CLMN: variants seen among roughly 807,000 people sequenced by gnomAD.
The protein encoded by CLMN is calmin, also known as calmin (calponin-like, transmembrane).
In CLMN, 57 loss-of-function variants were observed where a neutral mutation model predicts 92.7. The ratio of observed to expected loss-of-function variants is 0.61; its 90% CI spans 0.50 to 0.77. CLMN has a LOEUF of 0.77. Ranked by LOEUF, CLMN falls within the 30% of genes least tolerant of loss-of-function variation. The pLI is 0.00. For synonymous variants in CLMN, 466 were observed against 470.6 expected (o/e 0.99, Z 0.13); for missense variants, 1,158 against 1,237.5 (o/e 0.94, Z 0.96).
In CLMN at chr14:95,206,514, A is replaced by G. The variant is rs118035474; in HGVS notation, c.886-2051T>C. On this transcript the variant is annotated intron_variant, in intron 8 of 12. Coordinates refer to ENST00000298912, the MANE Select transcript of CLMN (RefSeq NM_024734.4). ...ACCAAAAGAAACCATGTGCTGGGCC[A>G]CAAAGCTAGCAACAATGTGTGGTAC... is the stretch of plus-strand genomic sequence containing the variant. Among the ~76,000 whole-genome samples, 986 of 152,380 alleles carry G rather than the reference A, an allele frequency of 6.5e-3. 12 individuals carry two copies. The highest frequency in any genetic ancestry group is 0.029 in the East Asian group (149 of 5,188).
chr14:95,235,017 G>C (rs1460757478), intron 1 of CLMN, among the ~76,000 whole-genome samples: 1 of 152,060 alleles, frequency 6.6e-6, no homozygotes, highest in African/African-American at 2.4e-5. Context: ...AAAATTATAA[G>C]CTCATTGTAA....
chr14:95,318,964 G>A (rs1423658398), intron 1 of CLMN, among the ~76,000 whole-genome samples: 2 of 152,090 alleles, frequency 1.3e-5, no homozygotes, highest in Non-Finnish European at 2.9e-5. Context: ...GTGTGGCACC[G>A]CCATACCCAG....
chr14:95,315,776 C>T (rs183099344), intron 1 of CLMN, among the ~76,000 whole-genome samples: 12 of 152,304 alleles, frequency 7.9e-5, no homozygotes, highest in African/African-American at 2.9e-4. Flanking sequence ...ACCTCTGCAC[C>T]GCTAGAATCA....
chr14:95,237,019 C>T (rs76621535), intron 1 of CLMN, among the ~76,000 whole-genome samples: 9,992 of 152,264 alleles, frequency 0.066, 406 homozygotes, highest in South Asian at 0.14. Flanking sequence ...CACCTTGGCA[C>T]GGGCCAAAGA....
At chr14:95,241,746 A>T (rs1485385506) in intron 1 of CLMN, among the ~76,000 whole-genome samples, 2 of 152,306 alleles carry the variant, frequency 1.3e-5, no homozygotes, top group East Asian at 3.9e-4. Flanking sequence ...ACACCAACTG[A>T]TCCTTCTGAA....
At position 95,203,268 on chromosome 14, in the gene CLMN, C is replaced by G. The variant is rs781079851; in HGVS notation, c.2081G>C (p.Cys694Ser). ...EELSSSPPSS[C>S]VSLETLGSHS... ...ACTCCCAAGGGTCTCCAAGCTGACACAGCTGCTTGGGGGGCTGGAAGATAA... is the reference window on the plus strand; with the variant it reads ...ACTCCCAAGGGTCTCCAAGCTGACAGAGCTGCTTGGGGGGCTGGAAGATAA... Residue 694 changes from cysteine (C) to serine (S), a missense_variant, in exon 9 of 13, where the codon TGT becomes TCT. Physicochemically the swap from Cys to Ser is moderately radical, Grantham distance 112. Coordinates refer to ENST00000298912, the MANE Select transcript of CLMN (RefSeq NM_024734.4). 8.1e-6 allele frequency: 13 copies of G among 1,613,908 alleles called. No homozygotes were observed. The African/African-American group carries it at 1.7e-4, about 22-fold the overall frequency.
intron 1 of CLMN, among the ~76,000 whole-genome samples, chr14:95,244,317 C>A (rs1439884230): frequency 6.6e-6 from 1 of 152,170 alleles, no homozygotes; most frequent in Admixed American, 6.6e-5. Context: ...ATTCAGGTAG[C>A]CTGTTCCACA....
Position 95,189,926 on chromosome 14 carries a change from T to A in CLMN, c.*1638A>T, listed in dbSNP as rs926358107. The A allele has an allele frequency of 6.6e-6, 1 of 152,222 alleles. No homozygotes were observed. The highest frequency in any genetic ancestry group is 1.5e-5 in the Non-Finnish European group (1 of 68,042). The allele number at this position is 152,222 out of a possible 1,614,324, so 9.4% of individuals were successfully genotyped here. A position where few individuals can be genotyped will look rare whatever the true frequency, so the allele number is the denominator to read the frequency against. On this transcript the variant is annotated 3_prime_UTR_variant, in exon 13 of 13. Coordinates refer to ENST00000298912, the MANE Select transcript of CLMN (RefSeq NM_024734.4). ...GGCTGTCATCGACTCAGATGTGCTA[T>A]GTAAATTCTTCTGGCCATGCTGGAA...
At chr14:95,260,855 T>A (rs921666837) in intron 1 of CLMN, among the ~76,000 whole-genome samples, 1 of 152,200 alleles carries the variant, frequency 6.6e-6, no homozygotes, top group African/African-American at 2.4e-5. Context: ...TATGAAGTTG[T>A]GGTCAACCCT....
chr14:95,301,900 G>A (rs1430099564), intron 1 of CLMN, among the ~76,000 whole-genome samples: 1 of 152,204 alleles, frequency 6.6e-6, no homozygotes, highest in African/African-American at 2.4e-5. Flanking sequence ...CATGGTCCCT[G>A]AGTGCAGACA....
At chr14:95,309,457 G>A (rs1232849112) in intron 1 of CLMN, among the ~76,000 whole-genome samples, 1 of 152,194 alleles carries the variant, frequency 6.6e-6, no homozygotes, top group Non-Finnish European at 1.5e-5. Context: ...CCACACAACA[G>A]CGTATGCAAC....
chr14:95,234,599 T>C (rs1165256514), intron 1 of CLMN, among the ~76,000 whole-genome samples: 1 of 152,224 alleles, frequency 6.6e-6, no homozygotes, highest in African/African-American at 2.4e-5. Context: ...TCGCCATCCC[T>C]GGCTCTGCCT....
At chr14:95,272,709 G>A (rs1246640504) in intron 1 of CLMN, among the ~76,000 whole-genome samples, 1 of 152,190 alleles carries the variant, frequency 6.6e-6, no homozygotes, top group Non-Finnish European at 1.5e-5. Context: ...GAAGCAAGGT[G>A]GCCCTGGCTC....
At chr14:95,286,748 T>C (rs574154601) in intron 1 of CLMN, among the ~76,000 whole-genome samples, 56 of 152,330 alleles carry the variant, frequency 3.7e-4, no homozygotes, top group African/African-American at 1.0e-3. Context: ...GGGAGGGGAC[T>C]GCCCTTCCAT....
At chr14:95,254,212 C>G (rs903272420) in intron 1 of CLMN, among the ~76,000 whole-genome samples, 1 of 152,126 alleles carries the variant, frequency 6.6e-6, no homozygotes, top group African/African-American at 2.4e-5. Flanking sequence ...TGGGGCAGAC[C>G]CAGCCCCACC....
At chr14:95,304,008 A>C (rs1901169897) in intron 1 of CLMN, among the ~76,000 whole-genome samples, 1 of 152,252 alleles carries the variant, frequency 6.6e-6, no homozygotes, top group Non-Finnish European at 1.5e-5. Flanking sequence ...GGTAGCAAGA[A>C]GGACCAGTGG....
At chr14:95,293,701 C>G (rs1240786063) in intron 1 of CLMN, among the ~76,000 whole-genome samples, 1 of 150,188 alleles carries the variant, frequency 6.7e-6, no homozygotes, top group African/African-American at 2.5e-5. Context: ...CCCCGCAGCC[C>G]TCTCTGGCTT....
At chr14:95,231,003 T>C (rs1423630951) in intron 1 of CLMN, among the ~76,000 whole-genome samples, 1 of 152,124 alleles carries the variant, frequency 6.6e-6, no homozygotes, top group Non-Finnish European at 1.5e-5. Context: ...CGCCAAGCAC[T>C]CACTGCGTCC....
chr14:95,318,074 C>T (rs1399028129), intron 1 of CLMN, among the ~76,000 whole-genome samples: 2 of 152,134 alleles, frequency 1.3e-5, no homozygotes, highest in Admixed American at 6.6e-5. Context: ...TGCGGGGCAT[C>T]TCTTCACAAC....
Sources: allele counts gnomAD v4.1 joint callset (sites outside exome capture counted in the v4.1 genomes callset), GRCh38; gene constraint gnomAD v4.1.1; transcripts MANE v1.5; gene names NCBI Gene and HGNC (gene_info 2026-07-23, HGNC 2026-07-21).